The following GYPB variants were observed in gnomAD, a reference collection of about 807,000 sequenced individuals.
The protein encoded by GYPB is glycophorin B (MNS blood group).
GYPB carries 13 observed loss-of-function variants against 15.3 expected under a neutral mutation model. The observed-to-expected ratio is 0.85, with a 90% CI of 0.55 to 1.35. The LOEUF (loss-of-function observed/expected upper bound fraction) is 1.35. Ranked by LOEUF, GYPB falls within the 40% of genes most tolerant of loss-of-function variation. The pLI is 0.00. For synonymous variants in GYPB, 38 were observed against 36.9 expected, an observed-to-expected ratio of 1.03 and a Z score of -0.11; for missense variants, 131 against 108.3, an observed-to-expected ratio of 1.21 and a Z score of -0.93.
At chr4:143,995,795 C>G (rs185717397), downstream of GYPB, among the ~76,000 whole-genome samples, 2 of 151,418 alleles carry the variant, frequency 1.3e-5, no homozygotes, top group East Asian at 1.9e-4. Flanking sequence ...AGAATTTGGT[C>G]CTTGCCCTCA....
Position 144,019,216 on chromosome 4 carries a change from A to G in GYPB, c.37+35T>C, listed in dbSNP as rs762443385. The G allele has an allele frequency of 4.3e-6, 7 of 1,609,968 alleles. 1 individual carries two copies. The highest frequency in any genetic ancestry group is 4.1e-5 in the African/African-American group (3 of 73,364). ...ATTTTATTCTATGATCTCATACCCA[A>G]TATAACAGAACCAAGATGAAATAAA... On this transcript the variant is annotated intron_variant, in intron 1 of 4. Coordinates refer to ENST00000502664, the MANE Select transcript of GYPB (RefSeq NM_002100.6).
At chr4:144,008,774 A>G (rs1341496439) in intron 1 of GYPB, among the ~76,000 whole-genome samples, 1 of 151,504 alleles carries the variant, frequency 6.6e-6, no homozygotes, top group Non-Finnish European at 1.5e-5. Context: ...GTTGAACAAT[A>G]CAAAATTGCA....
intron 1 of GYPB, 22 bp from the exon 2 acceptor site, chr4:144,001,305 A>G: frequency 2.5e-6 from 4 of 1,612,770 alleles, no homozygotes; most frequent in Non-Finnish European, 3.4e-6. Flanking sequence ...AGAAGTTGAG[A>G]AAGGGATTAA....
chr4:143,996,726 C>T (rs1457663746), intron 4 of GYPB, among the ~76,000 whole-genome samples: 3 of 150,550 alleles, frequency 2.0e-5, no homozygotes, highest in Non-Finnish European at 2.9e-5. Flanking sequence ...GCAGAGATTG[C>T]GCCACTTTGC....
At chr4:144,002,139 A>G (rs1560706809) in intron 1 of GYPB, among the ~76,000 whole-genome samples, 1 of 151,324 alleles carries the variant, frequency 6.6e-6, no homozygotes, top group African/African-American at 2.5e-5. Flanking sequence ...ATAAAATTTT[A>G]TAAATTCTTT....
chr4:144,011,891 C>G (rs1418139168), intron 1 of GYPB, among the ~76,000 whole-genome samples: 117 of 151,446 alleles, frequency 7.7e-4, no homozygotes, highest in African/African-American at 2.7e-3. Flanking sequence ...TTTTTCCTAG[C>G]AAAATGCAAT....
chr4:144,016,880 A>AT (rs5862681), intron 1 of GYPB: 329,139 of 362,412 alleles, frequency 0.91, 156,699 homozygotes, highest in Non-Finnish European at 0.99. Flanking sequence ...GGTTGGCTCC[A>AT]TCTCCTTGTT....
chr4:144,012,522 A>G (rs529613040), intron 1 of GYPB: 1 of 148,746 alleles, frequency 6.7e-6, no homozygotes, highest in East Asian at 1.9e-4. Context: ...AGCCAAAACA[A>G]TCTTGAAGAA....
Position 143,996,149 on chromosome 4 carries a change from A to G in GYPB, c.*150T>C. 6.7e-7 allele frequency: 1 copy of G among 1,498,180 alleles called. No individual in the cohort carries two copies. The highest frequency in any genetic ancestry group is 9.0e-7 in the Non-Finnish European group (1 of 1,115,710). 92.8% of individuals were successfully genotyped at this position (1,498,180 alleles called of 1,614,324 possible). A position where few individuals can be genotyped will look rare whatever the true frequency, so the allele number is the denominator to read the frequency against. ...ATTTTTATTTAGAAGTAGAGAATAC[A>G]GTAATAGTGAGGCAGGAGAACAGGG... On this transcript the variant is annotated 3_prime_UTR_variant, in exon 5 of 5. Transcript: ENST00000502664.
intron 1 of GYPB, among the ~76,000 whole-genome samples, chr4:144,004,776 C>T (rs1180356051): frequency 6.6e-6 from 1 of 151,856 alleles, no homozygotes; most frequent in African/African-American, 2.4e-5. Flanking sequence ...CTACTTGGCT[C>T]TCCTAGATTC....
chr4:144,001,827 A>G (rs1023402145), intron 1 of GYPB, among the ~76,000 whole-genome samples: 1 of 151,032 alleles, frequency 6.6e-6, no homozygotes, highest in Admixed American at 6.6e-5. Flanking sequence ...TCCATCTGCT[A>G]GGGACAATCT....
chr4:144,000,340 A>G, intron 2 of GYPB: 1 of 435,702 alleles, frequency 2.3e-6, no homozygotes, highest in Non-Finnish European at 3.5e-6. Context: ...GAGTTCAATC[A>G]CAACAATGAC....
At chr4:144,016,294 GA>G (rs1728496377) in intron 1 of GYPB, among the ~76,000 whole-genome samples, 1 of 150,596 alleles carries the variant, frequency 6.6e-6, no homozygotes, top group Non-Finnish European at 1.5e-5. Flanking sequence ...CTAACCAGAT[GA>G]AAACAAATAT....
At chr4:144,002,852 C>G (rs1727700576) in intron 1 of GYPB, among the ~76,000 whole-genome samples, 1 of 151,392 alleles carries the variant, frequency 6.6e-6, no homozygotes. Context: ...CCTAAACTGT[C>G]TATGTTTTCT....
In GYPB at chr4:144,008,395, G is replaced by T. The variant is rs181442683; in HGVS notation, c.38-7112C>A. The T allele has an allele frequency of 6.6e-5, 30 of 455,268 alleles. 3 individuals are homozygous for T. Among genetic ancestry groups the T allele is most frequent in the African/African-American group, 5.9e-4 (29 of 49,464 alleles). 28.2% of individuals were successfully genotyped at this position (455,268 alleles called of 1,614,324 possible). ...AGATATAAAGATAATAATTCACCTT[G>T]TTTATAGCCTGAGGGTAGGAGTGTT... On this transcript the variant is annotated intron_variant, in intron 1 of 4. Coordinates refer to ENST00000502664, the MANE Select transcript of GYPB (RefSeq NM_002100.6).
At chr4:143,995,659 C>G (rs1280704112), downstream of GYPB, among the ~76,000 whole-genome samples, 1 of 150,990 alleles carries the variant, frequency 6.6e-6, no homozygotes, top group Non-Finnish European at 1.5e-5. Flanking sequence ...GTGCTCCTAC[C>G]CCTGTGCCTG....
chr4:143,995,396 G>A (rs937047016), downstream of GYPB, among the ~76,000 whole-genome samples: 3 of 151,272 alleles, frequency 2.0e-5, 1 homozygote, highest in African/African-American at 7.4e-5. Flanking sequence ...TTTTAGGATG[G>A]GAGAAAAGAG....
rs142680750 is a variant in GYPB, at chr4:144,002,049, T to A, written c.38-766A>T. On this transcript the variant is annotated intron_variant, in intron 1 of 4. Transcript: ENST00000502664. Reference sequence around the variant, plus strand: ...CACAAATATCCTTTTAAAATCTCATTAAATAAATTGTGAATTATTTTTGTA... The same window carrying A: ...CACAAATATCCTTTTAAAATCTCATAAAATAAATTGTGAATTATTTTTGTA... Among the ~76,000 whole-genome samples the A allele has an allele frequency of 2.0e-3, 302 of 150,824 alleles. 7 individuals are homozygous for A. In the East Asian group the frequency reaches 0.053, roughly 26 times the overall value.
intron 1 of GYPB, among the ~76,000 whole-genome samples, chr4:144,003,473 A>G (rs1219918584): frequency 6.6e-6 from 1 of 151,324 alleles, no homozygotes; most frequent in Non-Finnish European, 1.5e-5. Flanking sequence ...GGGGGCAGAA[A>G]ATTACAGCAG....
Sources: allele counts gnomAD v4.1 joint callset (sites outside exome capture counted in the v4.1 genomes callset), GRCh38; gene constraint gnomAD v4.1.1; transcripts MANE v1.5; gene names NCBI Gene and HGNC (gene_info 2026-07-23, HGNC 2026-07-21).